Variants in CACUL1 observed in about 807,000 individuals in gnomAD.
CACUL1 encodes CDK2-associated and cullin domain-containing protein 1.
A neutral mutation model predicts 45.2 loss-of-function variants in CACUL1; 13 were observed. The ratio of observed to expected loss-of-function variants is 0.29; its 90% CI spans 0.19 to 0.46. The LOEUF (loss-of-function observed/expected upper bound fraction) is 0.46. CACUL1 is among the 20% of genes least tolerant of loss of function. The pLI, the probability that CACUL1 is intolerant of heterozygous loss-of-function variation, is 1.00. For missense variants in CACUL1, 421 were observed against 471.4 expected, an observed-to-expected ratio of 0.89 and a Z score of 0.99; for synonymous variants, 197 against 174.2, an observed-to-expected ratio of 1.13 and a Z score of -1.03.
At position 118,682,230 on chromosome 10, in the gene CACUL1, G is replaced by A. The variant is rs1165979660; in HGVS notation, c.*3898C>T. The A allele has an allele frequency of 6.6e-6, 1 of 152,178 alleles. No homozygotes were observed. The highest frequency in any genetic ancestry group is 1.5e-5 in the Non-Finnish European group (1 of 68,036). 9.4% of individuals were successfully genotyped at this position (152,178 alleles called of 1,614,324 possible). A position where few individuals can be genotyped will look rare whatever the true frequency, so the allele number is the denominator to read the frequency against. ...AAACAATGGCTAGATGACTAATGTA[G>A]GTTGTTTTGCTTTTTAGTTGCAAAG... On this transcript the variant is annotated 3_prime_UTR_variant, in exon 9 of 9. Transcript: ENST00000369151.
At chr10:118,701,927 G>A (rs573825701) in intron 4 of CACUL1, among the ~76,000 whole-genome samples, 1 of 152,268 alleles carries the variant, frequency 6.6e-6, no homozygotes, top group East Asian at 1.9e-4. Flanking sequence ...AGAAATTGTG[G>A]TGTGAGGGAA....
At position 118,754,644 on chromosome 10, in the gene CACUL1, G is replaced by T. The variant is rs773360813; in HGVS notation, c.119C>A (p.Pro40Gln). 3.7e-6 allele frequency: 6 copies of T among 1,605,992 alleles called. No individual in the cohort carries two copies. Among genetic ancestry groups the T allele is most frequent in the Non-Finnish European group, 5.1e-6 (6 of 1,177,106 alleles). ...AGGGGCCGGGATCGACGAGGGGGGC[G>T]GCGGAGGTGGCAGGGGCTGCCGGAA... is the stretch of plus-strand genomic sequence containing the variant. ...DGFRQPLPPP[P>Q]PPSSIPAPAR... The change falls in exon 1 of 9, where the codon CCG (proline) becomes CAG (glutamine). Residue 40 changes from proline to glutamine, a missense_variant. Around this residue, in one of 2 missense-constraint regions of CACUL1, gnomAD observed 213 missense variants for 173.1 expected, o/e 1.23. Transcript: ENST00000369151.
chr10:118,703,513 T>C (rs1845404761), intron 4 of CACUL1, among the ~76,000 whole-genome samples: 2 of 152,308 alleles, frequency 1.3e-5, no homozygotes, highest in African/African-American at 4.8e-5. Flanking sequence ...TGTTCTGCTA[T>C]TTTAAAAACC....
At chr10:118,751,101 C>T (rs1845893891) in intron 1 of CACUL1, among the ~76,000 whole-genome samples, 1 of 151,926 alleles carries the variant, frequency 6.6e-6, no homozygotes, top group Non-Finnish European at 1.5e-5. Context: ...TATTAATATC[C>T]TTTGCCTATT....
At chr10:118,691,235 T>G (rs1845262409) in intron 7 of CACUL1, 30 bp downstream of exon 7, 1 of 1,595,240 alleles carries the variant, frequency 6.3e-7, no homozygotes, top group Non-Finnish European at 8.6e-7. Flanking sequence ...TGGACATATT[T>G]GACCACTAAA....
Position 118,730,343 on chromosome 10 carries a change from A to G in CACUL1, c.435T>C (p.Asp145=). The change falls in exon 2 of 9, where the codon GAT becomes GAC. Residue 145 remains aspartate (D), a synonymous_variant. Coordinates refer to ENST00000369151, the MANE Select transcript of CACUL1 (RefSeq NM_153810.5). ...TYWPKLDGAI[D]QLLTQSPGDY... ...CACCAGGACTCTGAGTTAAAAGTTG[A>G]TCTATGGCACCATCCAATTTTGGCC... 1 of 1,613,904 alleles carries G rather than the reference A, an allele frequency of 6.2e-7. No individual in the cohort carries two copies.
chr10:118,721,955 GAC>G (rs1488340156), intron 3 of CACUL1, among the ~76,000 whole-genome samples: 1 of 152,090 alleles, frequency 6.6e-6, no homozygotes, highest in Non-Finnish European at 1.5e-5. Flanking sequence ...TGTCATTTAA[GAC>G]AGTTTTAAAA....
At chr10:118,721,923 T>C (rs779442775) in intron 3 of CACUL1, among the ~76,000 whole-genome samples, 5 of 151,962 alleles carry the variant, frequency 3.3e-5, no homozygotes, top group Admixed American at 2.6e-4. Context: ...GAAATACACA[T>C]AGAAAAAATG....
rs1589597467 is a variant in CACUL1, at chr10:118,677,980, T to TG, written c.*8147_*8148insC. ...CAGGTGAAGGTTTGTTGTCATAAAC[T>TG]CTCAGATTGTTATTTTCAGACTTCT... On this transcript the variant is annotated 3_prime_UTR_variant, in exon 9 of 9. Coordinates refer to ENST00000369151, the MANE Select transcript of CACUL1 (RefSeq NM_153810.5). 1 of 152,198 alleles carries TG rather than the reference T, an allele frequency of 6.6e-6. No homozygotes were observed. The highest frequency in any genetic ancestry group is 1.9e-4 in the East Asian group (1 of 5,200). The allele number at this position is 152,198 out of a possible 1,614,324, so 9.4% of individuals were successfully genotyped here. A position where few individuals can be genotyped will look rare whatever the true frequency, so the allele number is the denominator to read the frequency against.
At chr10:118,724,870 G>C (rs1453196884) in intron 3 of CACUL1, among the ~76,000 whole-genome samples, 1 of 152,194 alleles carries the variant, frequency 6.6e-6, no homozygotes, top group African/African-American at 2.4e-5. Flanking sequence ...TTTGAATGAA[G>C]AGAAATTTAG....
At chr10:118,713,301 G>T (rs1016928382) in intron 3 of CACUL1, among the ~76,000 whole-genome samples, 13 of 152,226 alleles carry the variant, frequency 8.5e-5, no homozygotes, top group Admixed American at 2.6e-4. Context: ...CGAGGGCAGG[G>T]GGTCCTTCCT....
intron 3 of CACUL1, among the ~76,000 whole-genome samples, chr10:118,718,344 G>A (rs1347612484): frequency 2.0e-5 from 3 of 152,158 alleles, no homozygotes; most frequent in Non-Finnish European, 2.9e-5. Context: ...ACAGGGAAGG[G>A]GAGAGTCGGG....
chr10:118,696,083 A>G (rs898677728), intron 5 of CACUL1, among the ~76,000 whole-genome samples: 1 of 152,210 alleles, frequency 6.6e-6, no homozygotes, highest in Admixed American at 6.5e-5. Flanking sequence ...TACTAGGCCA[A>G]TAAGGATTTT....
intron 6 of CACUL1, among the ~76,000 whole-genome samples, chr10:118,692,035 T>A (rs1012451066): frequency 2.6e-5 from 4 of 152,042 alleles, no homozygotes; most frequent in Non-Finnish European, 5.9e-5. Context: ...ACCAAACAAT[T>A]CTGAGTGGGA....
intron 3 of CACUL1, 28 bp downstream of exon 3, chr10:118,729,267 G>T: frequency 6.5e-7 from 1 of 1,548,950 alleles, no homozygotes; most frequent in Non-Finnish European, 8.9e-7. Context: ...ACCCAAGGAA[G>T]CAAAAATCAA....
rs554642642 is a variant in CACUL1, at chr10:118,717,994, C to CA, written c.598-10408dup. ...ATTAACTGCCAATGGAAGACATGAA[C>CA]AAAAACTGCCTGTGCCCTAGAACCT... On this transcript the variant is annotated intron_variant, in intron 3 of 8. Transcript: ENST00000369151. Among the ~76,000 whole-genome samples the CA allele has an allele frequency of 3.3e-3, 508 of 152,254 alleles. 4 individuals carry two copies. Among genetic ancestry groups the CA allele is most frequent in the African/African-American group, 0.012 (489 of 41,540 alleles).
At chr10:118,686,709 T>C in intron 7 of CACUL1, 68 bp from the exon 8 acceptor site, 1 of 1,107,116 alleles carries the variant, frequency 9.0e-7, no homozygotes, top group Middle Eastern at 2.0e-4. Context: ...GATCAACATA[T>C]TTGATAATAA....
chr10:118,712,335 G>A (rs769975329), intron 3 of CACUL1, among the ~76,000 whole-genome samples: 4 of 152,140 alleles, frequency 2.6e-5, no homozygotes, highest in Non-Finnish European at 5.9e-5. Flanking sequence ...AGAACCAAAG[G>A]GCCCCAAAGG....
intron 1 of CACUL1, among the ~76,000 whole-genome samples, chr10:118,750,286 A>G (rs1845884178): frequency 6.6e-6 from 1 of 152,156 alleles, no homozygotes; most frequent in Non-Finnish European, 1.5e-5. Flanking sequence ...AGACTGCACC[A>G]CGGCACTCCA....
Sources: gnomAD v4.1 joint callset for allele counts (sites outside exome capture counted in the v4.1 genomes callset) on GRCh38, gnomAD v4.1.1 for gene constraint, gnomAD v4.1.1 regional missense constraint, MANE v1.5 for transcripts, NCBI Gene and HGNC (gene_info 2026-07-23, HGNC 2026-07-21) for gene names.